MIA2: variants seen among roughly 807,000 people sequenced by gnomAD.
MIA2 encodes the protein MIA SH3 domain ER export factor 2.
A neutral mutation model predicts 167.8 loss-of-function variants in MIA2; 127 were observed. That is an observed-to-expected ratio of 0.76 (90% CI 0.66 to 0.88). MIA2 has a LOEUF of 0.88. Among genes scored for constraint, MIA2 ranks in the 40% least tolerant of loss-of-function variants. The pLI, the probability that MIA2 is intolerant of heterozygous loss-of-function variation, is 0.00. For missense variants in MIA2, 1,690 were observed against 1,624.7 expected (o/e 1.04, Z -0.69); for synonymous variants, 552 against 541.9 (o/e 1.02, Z -0.26).
intron 18 of MIA2, among the ~76,000 whole-genome samples, chr14:39,312,876 T>C (rs1251651988): frequency 8.9e-6 from 1 of 112,900 alleles, no homozygotes. Context: ...TTGGTTTCAT[T>C]GTAATTATAA....
intron 10 of MIA2, among the ~76,000 whole-genome samples, chr14:39,292,174 C>G (rs755621968): frequency 2.6e-5 from 4 of 152,188 alleles, no homozygotes; most frequent in Middle Eastern, 3.4e-3. Flanking sequence ...TCTTAACTAC[C>G]CTTCCATTAG....
chr14:39,363,062 T>C (rs950145963), intron 23 of MIA2, among the ~76,000 whole-genome samples: 1 of 152,224 alleles, frequency 6.6e-6, no homozygotes, highest in South Asian at 2.1e-4. Context: ...TTTATTCCAT[T>C]GTGTTCTGAT....
chr14:39,299,954 C>A lies in MIA2; in HGVS notation c.2587C>A (p.Gln863Lys). The A allele has an allele frequency of 6.2e-7, 1 of 1,606,498 alleles. No individual in the cohort carries two copies. Among genetic ancestry groups the A allele is most frequent in the Non-Finnish European group, 8.5e-7 (1 of 1,177,516 alleles). ...TFEDSKVHAE[Q>K]VLNDKESHIK... ...TGAAGACTCCAAAGTACATGCAGAA[C>A]AAGTTCTAAATGATAAAGAAAGTCA... The change falls in exon 14 of 29, where the codon CAA (glutamine) becomes AAA (lysine). Residue 863 changes from glutamine to lysine, a missense_variant. Transcript: ENST00000640607.
At position 39,315,697 on chromosome 14, in the gene MIA2, G is replaced by A; in HGVS notation, c.3195G>A (p.Glu1065=). The change falls in exon 21 of 29, where the codon GAG becomes GAA. Residue 1065 remains glutamate, a synonymous_variant. Coordinates refer to ENST00000640607, the MANE Select transcript of MIA2 (RefSeq NM_001329214.4). ...TTCTTTTTCAGATTATTTCCCATGA[G>A]AAAAAAGCACATGATAATTGGGTAA... is the stretch of plus-strand genomic sequence containing the variant. ...HSYQGQIISH[E]KKAHDNWLAA... The A allele has an allele frequency of 6.4e-7, 1 of 1,554,212 alleles. No individual in the cohort carries two copies. Among genetic ancestry groups the A allele is most frequent in the Non-Finnish European group, 8.8e-7 (1 of 1,139,664 alleles).
At chr14:39,354,342 T>TGTA (rs1447098916), downstream of MIA2, among the ~76,000 whole-genome samples, 1 of 152,232 alleles carries the variant, frequency 6.6e-6, no homozygotes, top group Admixed American at 6.5e-5. Flanking sequence ...TTCATGTGTC[T>TGTA]GTAGGCTGCA....
intron 2 of MIA2, 164 bp downstream of exon 2, chr14:39,237,219 C>T (rs555723756): frequency 2.6e-6 from 2 of 782,526 alleles, no homozygotes; most frequent in South Asian, 1.5e-5. Flanking sequence ...CTTCCAACTC[C>T]TGAGCTCAAG....
chr14:39,278,584 A>G (rs949848670), intron 7 of MIA2, among the ~76,000 whole-genome samples: 4 of 152,082 alleles, frequency 2.6e-5, no homozygotes, highest in East Asian at 1.9e-4. Context: ...CGCCTGCTTC[A>G]TTATTTGAGA....
intron 23 of MIA2, among the ~76,000 whole-genome samples, chr14:39,361,925 T>C (rs181386339): frequency 4.3e-4 from 66 of 152,226 alleles, no homozygotes; most frequent in Non-Finnish European, 8.5e-4. Flanking sequence ...ATGTTTAATT[T>C]TATCTTCGTC....
At chr14:39,281,520 T>C (rs571199602) in intron 9 of MIA2, among the ~76,000 whole-genome samples, 2 of 152,250 alleles carry the variant, frequency 1.3e-5, no homozygotes, top group South Asian at 4.1e-4. Flanking sequence ...TCTGCAGTTT[T>C]ATTGTGGCTC....
intron 9 of MIA2, among the ~76,000 whole-genome samples, chr14:39,290,395 G>T (rs11157055): frequency 6.6e-6 from 1 of 152,034 alleles, no homozygotes. Context: ...CCAGAACAAC[G>T]TAGTCTTCAA....
intron 6 of MIA2, among the ~76,000 whole-genome samples, chr14:39,261,338 C>T (rs1594736054): frequency 6.6e-6 from 1 of 152,140 alleles, no homozygotes; most frequent in Admixed American, 6.5e-5. Flanking sequence ...TTTATGGCTG[C>T]ATAGTATTCC....
At chr14:39,376,018 A>G (rs923022681) in intron 23 of MIA2, among the ~76,000 whole-genome samples, 1 of 152,150 alleles carries the variant, frequency 6.6e-6, no homozygotes, top group Admixed American at 6.5e-5. Context: ...CAGTGGCACA[A>G]CCTCAGCTCA....
chr14:39,366,851 A>G (rs1253245219), intron 23 of MIA2, among the ~76,000 whole-genome samples: 1 of 152,136 alleles, frequency 6.6e-6, no homozygotes. Flanking sequence ...TCACAGCTGC[A>G]GGTAGGCAAC....
At chr14:39,300,069 CT>C in intron 14 of MIA2, 83 bp downstream of exon 14, 3 of 1,498,186 alleles carry the variant, frequency 2.0e-6, no homozygotes, top group Non-Finnish European at 2.7e-6. Context: ...TTTTTAGCAA[CT>C]TTTATTTTCA....
intron 22 of MIA2, 111 bp downstream of exon 22, chr14:39,318,122 G>A: frequency 1.4e-6 from 1 of 714,964 alleles, no homozygotes; most frequent in Non-Finnish European, 2.3e-6. Flanking sequence ...AGCATATCTT[G>A]TGAGATATCT....
At chr14:39,301,020 A>G (rs1371629726) in intron 14 of MIA2, among the ~76,000 whole-genome samples, 5 of 136,638 alleles carry the variant, frequency 3.7e-5, no homozygotes, top group Non-Finnish European at 6.1e-5. Context: ...ACATATATAC[A>G]CACATATATA....
intron 23 of MIA2, among the ~76,000 whole-genome samples, chr14:39,359,243 C>G (rs1159991828): frequency 6.6e-6 from 1 of 152,222 alleles, no homozygotes; most frequent in Non-Finnish European, 1.5e-5. Context: ...GCTCAAGCCT[C>G]AGCAATGGCG....
chr14:39,309,197 C>A (rs1342841959), intron 18 of MIA2, among the ~76,000 whole-genome samples: 1 of 152,174 alleles, frequency 6.6e-6, no homozygotes, highest in Non-Finnish European at 1.5e-5. Flanking sequence ...TATGGGTAGT[C>A]TCCTTCTTTC....
intron 25 of MIA2, among the ~76,000 whole-genome samples, chr14:39,341,040 G>T (rs1009625518): frequency 2.6e-5 from 4 of 152,086 alleles, no homozygotes; most frequent in African/African-American, 7.2e-5. Context: ...GGTGGCTTAC[G>T]CTTGTAATTC....
Sources: allele counts gnomAD v4.1 joint callset (sites outside exome capture counted in the v4.1 genomes callset), GRCh38; gene constraint gnomAD v4.1.1; transcripts MANE v1.5; gene names NCBI Gene and HGNC (gene_info 2026-07-23, HGNC 2026-07-21).